CEP112: variants seen among roughly 807,000 people sequenced by gnomAD.
CEP112 encodes centrosomal protein 112.
CEP112 carries 127 observed loss-of-function variants against 153.0 expected under a neutral mutation model. The observed-to-expected ratio is 0.83, with a 90% CI of 0.72 to 0.96. CEP112 has a LOEUF of 0.96. Ranked by LOEUF, CEP112 falls within the 40% of genes least tolerant of loss-of-function variation. CEP112 has a pLI of 0.00. For synonymous variants in CEP112, 358 were observed against 374.4 expected (o/e 0.96, Z 0.51); for missense variants, 1,089 against 1,101.2 (o/e 0.99, Z 0.16).
At chr17:65,775,389 C>T (rs1378321442) in intron 21 of CEP112, among the ~76,000 whole-genome samples, 6 of 152,062 alleles carry the variant, frequency 3.9e-5, no homozygotes, top group African/African-American at 7.2e-5. Flanking sequence ...GAAGTAGAGA[C>T]GGCAGGAAAG....
intron 2 of CEP112, among the ~76,000 whole-genome samples, chr17:66,179,058 T>C (rs965792161): frequency 2.0e-5 from 3 of 152,168 alleles, no homozygotes. Flanking sequence ...CATGTGATTG[T>C]TTTTACGCCA....
chr17:65,750,537 T>A (rs186882029), intron 22 of CEP112, 125 bp downstream of exon 22: 64 of 712,630 alleles, frequency 9.0e-5, no homozygotes, highest in East Asian at 2.9e-4. Flanking sequence ...CATAAAAATA[T>A]GATACCATTC....
intron 4 of CEP112, among the ~76,000 whole-genome samples, chr17:66,143,544 A>G (rs1169306551): frequency 6.6e-6 from 1 of 152,242 alleles, no homozygotes; most frequent in Non-Finnish European, 1.5e-5. Flanking sequence ...GGACCAAAAC[A>G]GAGAAAGTCT....
At chr17:65,970,323 T>C (rs1406564856) in intron 17 of CEP112, among the ~76,000 whole-genome samples, 1 of 146,388 alleles carries the variant, frequency 6.8e-6, no homozygotes, top group African/African-American at 2.7e-5. Flanking sequence ...ATGTAAAACA[T>C]ATTGCATGCA....
intron 21 of CEP112, among the ~76,000 whole-genome samples, chr17:65,837,817 C>T (rs2057377778): frequency 6.6e-6 from 1 of 152,242 alleles, no homozygotes; most frequent in Admixed American, 6.5e-5. Flanking sequence ...GAAACATGTG[C>T]TGTGTCCACT....
At chr17:65,999,542 G>T (rs1232476567) in intron 17 of CEP112, among the ~76,000 whole-genome samples, 2 of 149,522 alleles carry the variant, frequency 1.3e-5, no homozygotes, top group Non-Finnish European at 3.0e-5. Flanking sequence ...CTCATTATTT[G>T]AGTGATATAA....
At chr17:66,018,500 A>G (rs1341764665) in intron 16 of CEP112, among the ~76,000 whole-genome samples, 1 of 152,198 alleles carries the variant, frequency 6.6e-6, no homozygotes, top group Non-Finnish European at 1.5e-5. Flanking sequence ...CTTAACTGCT[A>G]TGACCTCTGC....
chr17:65,652,776 G>T (rs1454883052), intron 24 of CEP112, among the ~76,000 whole-genome samples: 1 of 152,122 alleles, frequency 6.6e-6, no homozygotes, highest in African/African-American at 2.4e-5. Context: ...AAAAACAGTA[G>T]TGCCTGTTTA....
At chr17:65,923,232 G>C (rs1437447101) in intron 19 of CEP112, among the ~76,000 whole-genome samples, 2 of 152,076 alleles carry the variant, frequency 1.3e-5, no homozygotes, top group Non-Finnish European at 2.9e-5. Flanking sequence ...TCCATACTTT[G>C]GCACTGTTGA....
chr17:66,125,279 T>C (rs2069790175), intron 6 of CEP112, among the ~76,000 whole-genome samples: 2 of 152,214 alleles, frequency 1.3e-5, no homozygotes. Flanking sequence ...TTTCACTCAT[T>C]TGTGGAAAAC....
chr17:66,001,417 G>A (rs909570682), intron 17 of CEP112, among the ~76,000 whole-genome samples: 1 of 152,084 alleles, frequency 6.6e-6, no homozygotes, highest in East Asian at 1.9e-4. Context: ...TCATATTCTA[G>A]TGAACTACTA....
chr17:65,772,272 T>A (rs970727255), intron 21 of CEP112, among the ~76,000 whole-genome samples: 2 of 151,842 alleles, frequency 1.3e-5, no homozygotes, highest in Admixed American at 1.3e-4. Context: ...AATCAATGAA[T>A]TAGAAAAGAG....
intron 17 of CEP112, among the ~76,000 whole-genome samples, chr17:65,971,517 A>G (rs73338623): frequency 0.063 from 9,444 of 149,634 alleles, 441 homozygotes; most frequent in African/African-American, 0.12. Flanking sequence ...CATGCACATT[A>G]CATGTGTATC....
At chr17:65,904,048 C>T (rs577364469) in intron 19 of CEP112, among the ~76,000 whole-genome samples, 16 of 151,702 alleles carry the variant, frequency 1.1e-4, no homozygotes, top group South Asian at 2.1e-4. Flanking sequence ...CTTTGAAAAC[C>T]GGCACAAGAC....
At chr17:65,969,501 T>A (rs566199068) in intron 17 of CEP112, among the ~76,000 whole-genome samples, 4 of 152,306 alleles carry the variant, frequency 2.6e-5, no homozygotes, top group African/African-American at 9.6e-5. Context: ...ACAGGTATAC[T>A]GTATTTGCAT....
chr17:66,103,094 G>A (rs1812463921), intron 6 of CEP112, among the ~76,000 whole-genome samples: 1 of 151,624 alleles, frequency 6.6e-6, no homozygotes, highest in Admixed American at 6.6e-5. Flanking sequence ...GCATGGTGGC[G>A]TACGCCTGTA....
Position 65,824,669 on chromosome 17 carries a change from G to A in CEP112, c.2394+27135C>T, listed in dbSNP as rs981995103. ...AGTTACCAAGTCTTCCAGGCAGAGG[G>A]GAAAATGTGTGTGAAGCCACAAACG... is the stretch of plus-strand genomic sequence containing the variant. On this transcript the variant is annotated intron_variant, in intron 21 of 26. Transcript: ENST00000535342. Among the ~76,000 whole-genome samples the A allele has an allele frequency of 5.3e-5, 8 of 152,194 alleles. No individual in the cohort carries two copies. In the East Asian group the frequency reaches 1.2e-3, roughly 22 times the overall value.
At chr17:65,970,769 T>C (rs1319258870) in intron 17 of CEP112, among the ~76,000 whole-genome samples, 1 of 48,232 alleles carries the variant, frequency 2.1e-5, no homozygotes, top group African/African-American at 6.1e-5. Context: ...GTATGTTACA[T>C]GTTACATGCA....
At chr17:66,092,773 T>C (rs1011371067) in intron 8 of CEP112, among the ~76,000 whole-genome samples, 2 of 152,146 alleles carry the variant, frequency 1.3e-5, no homozygotes, top group Non-Finnish European at 2.9e-5. Context: ...ATAAAAACCA[T>C]ATAATCATCT....
Sources: gnomAD v4.1 joint callset for allele counts (sites outside exome capture counted in the v4.1 genomes callset) on GRCh38, gnomAD v4.1.1 for gene constraint, MANE v1.5 for transcripts, NCBI Gene and HGNC (gene_info 2026-07-23, HGNC 2026-07-21) for gene names.